THNSL1: variants seen among roughly 807,000 people sequenced by gnomAD.
The protein encoded by THNSL1 is threonine synthase-like 1.
Under a neutral mutation model 50.4 loss-of-function variants are expected in THNSL1, and 48 were observed. The ratio of observed to expected loss-of-function variants is 0.95; its 90% CI spans 0.76 to 1.21. The LOEUF (loss-of-function observed/expected upper bound fraction) is 1.21. Among genes scored for constraint, THNSL1 ranks in the 50% most tolerant of loss-of-function variants. The pLI is 0.00. For missense variants in THNSL1, 896 were observed against 871.7 expected, an observed-to-expected ratio of 1.03 and a Z score of -0.35; for synonymous variants, 309 against 306.1, an observed-to-expected ratio of 1.01 and a Z score of -0.10.
chr10:24,958,021 A>T, the THNSL1 span, among the ~76,000 whole-genome samples: 2 of 151,918 alleles, frequency 1.3e-5, no homozygotes, highest in Non-Finnish European at 2.9e-5. Context: ...ACTTTTGTCA[A>T]TACAAATCTG....
At chr10:25,014,246 G>A (rs74774619), upstream of THNSL1, among the ~76,000 whole-genome samples, 2,082 of 152,204 alleles carry the variant, frequency 0.014, 16 homozygotes, top group Non-Finnish European at 0.02. Context: ...ACTCTGAGGC[G>A]TGGGAGATCA....
chr10:24,961,007 C>G, the THNSL1 span, among the ~76,000 whole-genome samples: 1 of 152,162 alleles, frequency 6.6e-6, no homozygotes, highest in African/African-American at 2.4e-5. Flanking sequence ...TATGTTTCAG[C>G]CATTCTGTTT....
chr10:24,984,594 G>T, the THNSL1 span: 1 of 1,037,396 alleles, frequency 9.6e-7, no homozygotes, highest in Non-Finnish European at 1.4e-6. Flanking sequence ...ATTATTCTTT[G>T]CATATTGCCT....
At position 25,023,749 on chromosome 10, in the gene THNSL1, C is replaced by T; in HGVS notation, c.526C>T (p.Gln176Ter). 6.2e-7 allele frequency: 1 copy of T among 1,613,748 alleles called. No homozygotes were observed. Among genetic ancestry groups the T allele is most frequent in the Admixed American group, 1.7e-5 (1 of 59,976 alleles). ...AATGAAGACAGATAGGATTGTAGGT[C>T]AGAATTCTGGAACATCTATGAAAGA... ...KLMKTDRIVG[Q>*]NSGTSMKDLL... is the part of the protein sequence containing the mutation. The change falls in exon 3 of 3, where the codon CAG (glutamine) becomes TAG (stop). Residue 176 changes from glutamine to a stop codon, truncating the protein, a stop_gained. Transcript: ENST00000376356. LOFTEE classifies it high-confidence loss of function.
the THNSL1 span, among the ~76,000 whole-genome samples, chr10:24,981,313 T>A: frequency 6.6e-6 from 1 of 152,214 alleles, no homozygotes; most frequent in South Asian, 2.1e-4. Context: ...TCAGTGACTC[T>A]CTGGCATCAT....
At chr10:25,008,663 G>A in the THNSL1 span, among the ~76,000 whole-genome samples, 5 of 152,166 alleles carry the variant, frequency 3.3e-5, no homozygotes, top group African/African-American at 7.2e-5. Context: ...CTGTTGGTGG[G>A]ACTGTCAACT....
At chr10:24,983,667 A>C in the THNSL1 span, 8 of 152,342 alleles carry the variant, frequency 5.3e-5, no homozygotes, top group African/African-American at 1.7e-4. Flanking sequence ...AAGCTTTTCT[A>C]TAAGGCTTCC....
At chr10:24,981,251 A>G in the THNSL1 span, among the ~76,000 whole-genome samples, 1 of 152,210 alleles carries the variant, frequency 6.6e-6, no homozygotes, top group Non-Finnish European at 1.5e-5. Flanking sequence ...TAATTCACTA[A>G]TAAATATCAC....
At chr10:24,954,716 T>C in the THNSL1 span, among the ~76,000 whole-genome samples, 1 of 152,196 alleles carries the variant, frequency 6.6e-6, no homozygotes, top group South Asian at 2.1e-4. Context: ...GTAAATAGTT[T>C]TTAAAAATCT....
upstream of THNSL1, among the ~76,000 whole-genome samples, chr10:25,016,426 A>C (rs1850575225): frequency 6.6e-6 from 1 of 152,182 alleles, no homozygotes; most frequent in South Asian, 2.1e-4. Context: ...GTCACCCAAT[A>C]AGGTTTTTGT....
At chr10:24,955,225 G>A in the THNSL1 span, among the ~76,000 whole-genome samples, 1 of 152,114 alleles carries the variant, frequency 6.6e-6, no homozygotes, top group Admixed American at 6.6e-5. Context: ...ACTATAACGA[G>A]AACAATATGG....
chr10:24,953,055 T>C, the THNSL1 span, among the ~76,000 whole-genome samples: 3 of 152,030 alleles, frequency 2.0e-5, no homozygotes, highest in African/African-American at 7.2e-5. Flanking sequence ...CCAGATTTCA[T>C]GCACGCGATT....
chr10:25,016,371 A>G (rs1212964936), upstream of THNSL1, among the ~76,000 whole-genome samples: 1 of 152,220 alleles, frequency 6.6e-6, no homozygotes, highest in Non-Finnish European at 1.5e-5. Flanking sequence ...TGGGGAAAAA[A>G]GAAAAATCCT....
the THNSL1 span, among the ~76,000 whole-genome samples, chr10:24,967,995 A>ATGTG: frequency 0.024 from 3,355 of 139,708 alleles, 85 homozygotes; most frequent in African/African-American, 0.066. Flanking sequence ...TATGTGTATG[A>ATGTG]TGTGTGTGTG....
the THNSL1 span, among the ~76,000 whole-genome samples, chr10:24,974,521 A>G: frequency 1.3e-5 from 2 of 152,238 alleles, no homozygotes; most frequent in African/African-American, 4.8e-5. Context: ...TTATGAGATA[A>G]TGCTGGGAAC....
At chr10:25,021,524 A>G (rs1469340169) in intron 1 of THNSL1, among the ~76,000 whole-genome samples, 2 of 152,194 alleles carry the variant, frequency 1.3e-5, no homozygotes, top group Non-Finnish European at 2.9e-5. Context: ...AAATTCCTTC[A>G]GTACTGTTTA....
rs1397782212 is a variant in THNSL1, at chr10:25,025,060, G to C, written c.1837G>C (p.Asp613His). Residue 613 changes from aspartate (D) to histidine (H), a missense_variant, in exon 3 of 3, where the codon GAT (aspartate) becomes CAT (histidine). Asp to His is a moderately conservative substitution (Grantham distance 81). Transcript: ENST00000376356. ...EKALVEKLQQ[D>H]FVADWCSEGE... ...GGCTCTAGTTGAGAAACTTCAGCAG[G>C]ATTTTGTAGCTGACTGGTGCTCTGA... 3 of 1,614,188 alleles carry C rather than the reference G, an allele frequency of 1.9e-6. No homozygotes were observed. The highest frequency in any genetic ancestry group is 1.7e-5 in the Admixed American group (1 of 60,024).
chr10:24,995,627 T>G, the THNSL1 span: 1 of 1,589,416 alleles, frequency 6.3e-7, no homozygotes, highest in East Asian at 2.2e-5. Context: ...GCCCTCTTAT[T>G]AATATACCAC....
chr10:25,019,682 T>C lies in THNSL1; in HGVS notation c.-215-2060T>C, dbSNP rs140045569. On this transcript the variant is annotated intron_variant, in intron 1 of 2. Transcript: ENST00000376356. ...GGACTTGCACATCTGCAGATTTTTC[T>C]CACTCTAAAGTCAGTCCTATTAACT... Among the ~76,000 whole-genome samples the C allele has an allele frequency of 5.0e-3, 760 of 152,336 alleles. 5 individuals are homozygous for C. The highest frequency in any genetic ancestry group is 9.3e-3 in the Non-Finnish European group (630 of 68,026).
Sources: gnomAD v4.1 joint callset for allele counts (sites outside exome capture counted in the v4.1 genomes callset) on GRCh38, gnomAD v4.1.1 for gene constraint, MANE v1.5 for transcripts, NCBI Gene and HGNC (gene_info 2026-07-23, HGNC 2026-07-21) for gene names.